WWP2: variants seen among roughly 807,000 people sequenced by gnomAD.
The protein encoded by WWP2 is WW domain containing E3 ubiquitin protein ligase 2.
A neutral mutation model predicts 121.0 loss-of-function variants in WWP2; 57 were observed. The ratio of observed to expected loss-of-function variants is 0.47; its 90% CI spans 0.38 to 0.59. The LOEUF (loss-of-function observed/expected upper bound fraction) is 0.59. WWP2 is among the 20% of genes least tolerant of loss of function. The pLI is 0.00. For synonymous variants in WWP2, 449 were observed against 441.3 expected (o/e 1.02, Z -0.22); for missense variants, 962 against 1,158.9 (o/e 0.83, Z 2.47).
intron 6 of WWP2, among the ~76,000 whole-genome samples, chr16:69,870,136 TGTAAA>T (rs1476155556): frequency 6.6e-6 from 1 of 152,220 alleles, no homozygotes; most frequent in African/African-American, 2.4e-5. Flanking sequence ...TTTGCTTATC[TGTAAA>T]GCGGGGATAA....
At chr16:69,867,854 G>A (rs2057557351) in intron 6 of WWP2, among the ~76,000 whole-genome samples, 1 of 152,192 alleles carries the variant, frequency 6.6e-6, no homozygotes, top group South Asian at 2.1e-4. Flanking sequence ...AAATGGTGAG[G>A]GGGCTTGGGC....
chr16:69,932,383 T>C (rs919009300), intron 16 of WWP2, among the ~76,000 whole-genome samples: 4 of 152,246 alleles, frequency 2.6e-5, no homozygotes, highest in Non-Finnish European at 5.9e-5. Flanking sequence ...GGCCAGTCCA[T>C]TGGGCCTGGA....
chr16:69,864,183 C>A (rs1043263408), intron 6 of WWP2, among the ~76,000 whole-genome samples: 2 of 152,070 alleles, frequency 1.3e-5, no homozygotes, highest in African/African-American at 4.8e-5. Flanking sequence ...GCCTGGGCAA[C>A]ATGGTAAAAC....
At chr16:69,874,320 G>A (rs1197993563) in intron 7 of WWP2, among the ~76,000 whole-genome samples, 1 of 152,170 alleles carries the variant, frequency 6.6e-6, no homozygotes, top group African/African-American at 2.4e-5. Flanking sequence ...GGTCGAGGGT[G>A]TGAATGAGGA....
At chr16:69,936,216 C>T in intron 18 of WWP2, 96 bp from the exon 19 acceptor site, 1 of 1,569,114 alleles carries the variant, frequency 6.4e-7, no homozygotes, top group Non-Finnish European at 8.7e-7. Flanking sequence ...TTCTAGGCCA[C>T]CTGTGGGCCC....
At chr16:69,938,544 G>A (rs992881353) in intron 21 of WWP2, among the ~76,000 whole-genome samples, 2 of 152,022 alleles carry the variant, frequency 1.3e-5, no homozygotes, top group African/African-American at 4.8e-5. Flanking sequence ...ACTTGAACCT[G>A]GGAGGTGGAG....
intron 1 of WWP2, among the ~76,000 whole-genome samples, chr16:69,768,434 C>T (rs969216944): frequency 1.3e-5 from 2 of 151,974 alleles, no homozygotes; most frequent in Non-Finnish European, 1.5e-5. Flanking sequence ...CATGGAGAAA[C>T]CCCGTCTCTA....
chr16:69,939,731 C>T, intron 23 of WWP2, 110 bp from the exon 24 acceptor site: 1 of 1,004,156 alleles, frequency 1.0e-6, no homozygotes, highest in African/African-American at 1.6e-5. Context: ...AGCCCCTGAG[C>T]CCTAGCCAGT....
At chr16:69,821,131 T>C (rs1203737473) in intron 4 of WWP2, among the ~76,000 whole-genome samples, 3 of 152,236 alleles carry the variant, frequency 2.0e-5, no homozygotes, top group Non-Finnish European at 4.4e-5. Flanking sequence ...GATTTCAGGC[T>C]GTCTTTAGCG....
chr16:69,917,009 T>C (rs1384878580), intron 9 of WWP2, among the ~76,000 whole-genome samples: 1 of 152,110 alleles, frequency 6.6e-6, no homozygotes, highest in Non-Finnish European at 1.5e-5. Context: ...ACTAAAAATA[T>C]AAACAGTGAG....
At chr16:69,811,959 A>G (rs1313104478) in intron 4 of WWP2, among the ~76,000 whole-genome samples, 1 of 152,166 alleles carries the variant, frequency 6.6e-6, no homozygotes, top group African/African-American at 2.4e-5. Flanking sequence ...AGGATACTAC[A>G]GTACAATTAA....
chr16:69,799,135 A>G lies in WWP2; in HGVS notation c.219-39A>G, dbSNP rs1226913119. The G allele has an allele frequency of 3.2e-6, 5 of 1,587,142 alleles. No individual in the cohort carries two copies. The highest frequency in any genetic ancestry group is 4.3e-6 in the Non-Finnish European group (5 of 1,168,390). On this transcript the variant is annotated intron_variant, in intron 3 of 23. Transcript: ENST00000359154. The surrounding 1 kb of genome is among the most constrained non-coding windows in gnomAD (Gnocchi z 4.5). ...TGTTTTCTTCTAAGTTATAGGAATG[A>G]TCTGCTTGGATGTAATGAATCAGGT...
chr16:69,840,121 C>T lies in WWP2; in HGVS notation c.341-5C>T. On this transcript the variant is annotated splice_region_variant and splice_polypyrimidine_tract_variant and intron_variant, in intron 4 of 23. Transcript: ENST00000359154. ...CCCATCCATGTTGCCTTTTGTACCC[C>T]ACAGTGGAGAACATGCAGCTGACCC... 1 of 1,614,230 alleles carries T rather than the reference C, an allele frequency of 6.2e-7. No individual in the cohort carries two copies. The highest frequency in any genetic ancestry group is 8.5e-7 in the Non-Finnish European group (1 of 1,180,036).
chr16:69,938,991 G>C (rs1344105203), intron 21 of WWP2, 36 bp from the exon 22 acceptor site: 1 of 1,569,494 alleles, frequency 6.4e-7, no homozygotes, highest in Non-Finnish European at 8.7e-7. Flanking sequence ...GGGCCCCGTG[G>C]GTTGCCTGAC....
rs1050059590 is a variant in WWP2, at chr16:69,935,712, G to A, written c.1843-141G>A. On this transcript the variant is annotated intron_variant, in intron 17 of 23. Coordinates refer to ENST00000359154, the MANE Select transcript of WWP2 (RefSeq NM_001270454.2). This position sits in a 1 kb window ranked among gnomAD's most constrained non-coding sequence, Gnocchi z 5.2. ...TTTACTCCTGAGGCCCTCCCGCTGCGTCCGAGGCAGCTGCTGCTGTAGTTC... is the reference window on the plus strand; with the variant it reads ...TTTACTCCTGAGGCCCTCCCGCTGCATCCGAGGCAGCTGCTGCTGTAGTTC... 1.3e-4 allele frequency: 164 copies of A among 1,273,740 alleles called. 1 individual carries two copies. In the African/African-American group the frequency reaches 1.6e-3, roughly 12 times the overall value. The allele number at this position is 1,273,740 out of a possible 1,614,324, so 78.9% of individuals were successfully genotyped here.
intron 6 of WWP2, among the ~76,000 whole-genome samples, chr16:69,869,494 C>G (rs1277910509): frequency 6.6e-6 from 1 of 151,742 alleles, no homozygotes; most frequent in Non-Finnish European, 1.5e-5. Flanking sequence ...CAGGGGCACG[C>G]CACCACACCT....
chr16:69,834,385 T>C (rs2056840232), intron 4 of WWP2, among the ~76,000 whole-genome samples: 2 of 152,140 alleles, frequency 1.3e-5, no homozygotes, highest in Admixed American at 1.3e-4. Context: ...CTTTGCTCAA[T>C]TGTCACCTTC....
chr16:69,763,839 CG>C (rs1320708766), intron 1 of WWP2, among the ~76,000 whole-genome samples: 1 of 152,166 alleles, frequency 6.6e-6, no homozygotes, highest in Non-Finnish European at 1.5e-5. Flanking sequence ...GTCACACCGG[CG>C]TAAGTGGTGA....
At chr16:69,872,298 G>A (rs143892519) in intron 7 of WWP2, among the ~76,000 whole-genome samples, 3,885 of 151,828 alleles carry the variant, frequency 0.026, 271 homozygotes, top group East Asian at 0.16. Context: ...CTCACTGCAA[G>A]CTCCGCCTCC....
Sources: allele counts gnomAD v4.1 joint callset (sites outside exome capture counted in the v4.1 genomes callset), GRCh38; gene constraint gnomAD v4.1.1; non-coding constraint Gnocchi (gnomAD v3.1); transcripts MANE v1.5; gene names NCBI Gene and HGNC (gene_info 2026-07-23, HGNC 2026-07-21).